The following KCTD18 variants were observed in gnomAD, a reference collection of about 807,000 sequenced individuals.
The protein encoded by KCTD18 is BTB/POZ domain-containing protein KCTD18.
KCTD18 carries 22 observed loss-of-function variants against 30.4 expected under a neutral mutation model. The ratio of observed to expected loss-of-function variants is 0.72; its 90% CI spans 0.52 to 1.03. The LOEUF (loss-of-function observed/expected upper bound fraction) is 1.03. KCTD18 is among the 50% of genes least tolerant of loss of function. The pLI, the probability that KCTD18 is intolerant of heterozygous loss-of-function variation, is 0.00. For missense variants in KCTD18, 529 were observed against 547.6 expected, an observed-to-expected ratio of 0.97 and a Z score of 0.34; for synonymous variants, 186 against 209.0, an observed-to-expected ratio of 0.89 and a Z score of 0.95.
At chr2:200,491,848 T>C (rs1459875891) in intron 6 of KCTD18, among the ~76,000 whole-genome samples, 1 of 152,212 alleles carries the variant, frequency 6.6e-6, no homozygotes, top group Non-Finnish European at 1.5e-5. Flanking sequence ...GATTACAACT[T>C]ATTCAACTCC....
chr2:200,498,556 G>A (rs1449663219), intron 4 of KCTD18, among the ~76,000 whole-genome samples: 2 of 152,138 alleles, frequency 1.3e-5, no homozygotes, highest in African/African-American at 4.8e-5. Flanking sequence ...ATGCTTCTAT[G>A]GTCTAGGAAG....
intron 2 of KCTD18, among the ~76,000 whole-genome samples, chr2:200,506,382 C>T (rs11678210): frequency 0.16 from 24,897 of 152,090 alleles, 2,297 homozygotes; most frequent in Non-Finnish European, 0.21. Flanking sequence ...TTTTCTCAGC[C>T]GTGCACATTG....
chr2:200,504,671 C>T, intron 3 of KCTD18, 77 bp downstream of exon 3: 1 of 997,314 alleles, frequency 1.0e-6, no homozygotes, highest in Non-Finnish European at 1.5e-6. Flanking sequence ...TGTGAAAACA[C>T]AGGCTATGCA....
chr2:200,504,655 G>T, intron 3 of KCTD18, 93 bp downstream of exon 3: 2 of 895,814 alleles, frequency 2.2e-6, no homozygotes, highest in Non-Finnish European at 3.4e-6. Flanking sequence ...TATCTTGTTT[G>T]GTTAATGTGA....
Position 200,489,836 on chromosome 2 carries a change from G to A in KCTD18, c.*264C>T, listed in dbSNP as rs2087877222. 3 of 440,882 alleles carry A rather than the reference G, an allele frequency of 6.8e-6. No homozygotes were observed. The highest frequency in any genetic ancestry group is 7.1e-5 in the East Asian group (2 of 28,232). The allele number at this position is 440,882 out of a possible 1,614,324, so 27.3% of individuals were successfully genotyped here. ...TTGTACTGTCTTGTTGCCTTAATACGAATTAATCATTAAAAAATAAATTGA... is the reference window on the plus strand; with the variant it reads ...TTGTACTGTCTTGTTGCCTTAATACAAATTAATCATTAAAAAATAAATTGA... On this transcript the variant is annotated 3_prime_UTR_variant, in exon 7 of 7. Coordinates refer to ENST00000359878, the MANE Select transcript of KCTD18 (RefSeq NM_152387.4).
intron 5 of KCTD18, chr2:200,497,518 G>A: frequency 2.3e-6 from 1 of 426,908 alleles, no homozygotes; most frequent in African/African-American, 2.0e-5. Context: ...AATTAAATAA[G>A]CCTAGCTAAC....
chr2:200,499,057 C>CA lies in KCTD18; in HGVS notation c.399dup (p.Gly134TrpfsTer6). 1 of 1,612,818 alleles carries CA rather than the reference C, an allele frequency of 6.2e-7. No individual in the cohort carries two copies. On this transcript the variant is annotated frameshift_variant, in exon 4 of 7. Coordinates refer to ENST00000359878, the MANE Select transcript of KCTD18 (RefSeq NM_152387.4). LOFTEE classifies it high-confidence loss of function. ...ACTGTTGGTTTATTGCAGACTAAGCCATATGAATCACAGAAGTCTGTTAAA... is the reference window on the plus strand; with the variant it reads ...ACTGTTGGTTTATTGCAGACTAAGCCAATATGAATCACAGAAGTCTGTTAAA...
chr2:200,493,707 G>A (rs1316716908), intron 5 of KCTD18, among the ~76,000 whole-genome samples: 1 of 152,220 alleles, frequency 6.6e-6, no homozygotes, highest in Non-Finnish European at 1.5e-5. Flanking sequence ...CCACTGTGAT[G>A]ATTAAATGAG....
At chr2:200,504,285 C>T (rs755352857) in intron 3 of KCTD18, among the ~76,000 whole-genome samples, 41 of 152,044 alleles carry the variant, frequency 2.7e-4, no homozygotes, top group Non-Finnish European at 5.4e-4. Flanking sequence ...GGTGAAACCC[C>T]CGTCTCTACT....
chr2:200,497,748 T>C lies in KCTD18; in HGVS notation c.661+5A>G, dbSNP rs760670177. 15 of 1,591,024 alleles carry C rather than the reference T, an allele frequency of 9.4e-6. No individual in the cohort carries two copies. Among genetic ancestry groups the C allele is most frequent in the African/African-American group, 1.3e-5 (1 of 74,440 alleles). On this transcript the variant is annotated splice_donor_5th_base_variant and intron_variant, in intron 5 of 6. Coordinates refer to ENST00000359878, the MANE Select transcript of KCTD18 (RefSeq NM_152387.4). Reference sequence around the variant, plus strand: ...CTTCCATGAAATAAAAGAATTGCACTGTACCTTTTCCTTCCCAAGCATCAA... The same window carrying C: ...CTTCCATGAAATAAAAGAATTGCACCGTACCTTTTCCTTCCCAAGCATCAA...
Position 200,504,763 on chromosome 2 carries a change from A to G in KCTD18, c.357T>C (p.Asn119=). The stretch of plus-strand genomic sequence containing the variant: ...ATGCCAAGACCTTTTTAAGTTCTAT[A>G]TTTGACCTTAAAGAATATGTCTCCA... The part of the protein sequence containing the change: ...NEMETYSLRS[N]IELKKALTDF... Residue 119 remains asparagine (N), a synonymous_variant, in exon 3 of 7, where the codon AAT becomes AAC. Transcript: ENST00000359878. 2 of 1,613,388 alleles carry G rather than the reference A, an allele frequency of 1.2e-6. No homozygotes were observed. The highest frequency in any genetic ancestry group is 1.7e-6 in the Non-Finnish European group (2 of 1,179,468).
At chr2:200,490,654 GT>G in intron 6 of KCTD18, 38 bp from the exon 7 acceptor site, 1 of 1,528,686 alleles carries the variant, frequency 6.5e-7, no homozygotes, top group African/African-American at 1.4e-5. Flanking sequence ...CACATGTATA[GT>G]TTTAGTAACT....
intron 3 of KCTD18, among the ~76,000 whole-genome samples, chr2:200,500,065 T>G (rs1055717480): frequency 1.3e-5 from 2 of 151,820 alleles, no homozygotes; most frequent in African/African-American, 4.8e-5. Context: ...AAAAGGCCTT[T>G]GACAAAATTC....
intron 3 of KCTD18, among the ~76,000 whole-genome samples, chr2:200,503,841 TAAGAAAA>T (rs1203073169): frequency 1.3e-5 from 2 of 152,204 alleles, no homozygotes; most frequent in Non-Finnish European, 2.9e-5. Context: ...AACAATTTTC[TAAGAAAA>T]ATATTTTCCT....
chr2:200,507,966 G>A (rs1023604616), intron 1 of KCTD18, among the ~76,000 whole-genome samples: 5 of 151,984 alleles, frequency 3.3e-5, no homozygotes, highest in Non-Finnish European at 7.4e-5. Context: ...GAGCCACCAC[G>A]CCCAGCCTGA....
At position 200,493,255 on chromosome 2, in the gene KCTD18, C is replaced by T; in HGVS notation, c.681G>A (p.Val227=). ...TCCAACACTCTATCAGCTCATGAGGCACCCGCCAGTAGCTAACACCTGGAA... is the reference window on the plus strand; with the variant it reads ...TCCAACACTCTATCAGCTCATGAGGTACCCGCCAGTAGCTAACACCTGGAA... ...WEGKGVSYWR[V]PHELIECWTL... is the part of the protein sequence containing the mutation. The change falls in exon 6 of 7, where the codon GTG becomes GTA. Residue 227 remains valine, a synonymous_variant. Transcript: ENST00000359878. The T allele has an allele frequency of 6.2e-7, 1 of 1,604,736 alleles. No homozygotes were observed. Among genetic ancestry groups the T allele is most frequent in the Non-Finnish European group, 8.5e-7 (1 of 1,172,964 alleles).
chr2:200,499,380 C>A (rs1197761669), intron 3 of KCTD18, among the ~76,000 whole-genome samples: 6 of 152,072 alleles, frequency 3.9e-5, no homozygotes, highest in Non-Finnish European at 5.9e-5. Flanking sequence ...TTTTAGTCTG[C>A]CAACATCACT....
chr2:200,497,996 A>G (rs1229516059), intron 4 of KCTD18, 149 bp from the exon 5 acceptor site: 7 of 621,880 alleles, frequency 1.1e-5, no homozygotes, highest in Non-Finnish European at 2.0e-5. Flanking sequence ...CCTTAAGTAT[A>G]CATATGCTTA....
rs1181214557 is a variant in KCTD18 at position 200,504,835 on chromosome 2, A to G, written c.285T>C (p.Phe95=). The change falls in exon 3 of 7, where the codon TTT becomes TTC. Residue 95 remains phenylalanine, a synonymous_variant. Transcript: ENST00000359878. ...ACAGGCTGTATGGATAAGGGATGCC[A>G]AAGTAATCAGCCTCTTCCTGTAGGG... ...RIALQEEADY[F]GIPYPYSLSD... is the part of the protein sequence containing the mutation. 1 of 1,614,218 alleles carries G rather than the reference A, an allele frequency of 6.2e-7. No homozygotes were observed. Among genetic ancestry groups the G allele is most frequent in the Non-Finnish European group, 8.5e-7 (1 of 1,180,030 alleles).
Sources: allele counts gnomAD v4.1 joint callset (sites outside exome capture counted in the v4.1 genomes callset), GRCh38; gene constraint gnomAD v4.1.1; transcripts MANE v1.5; gene names NCBI Gene and HGNC (gene_info 2026-07-23, HGNC 2026-07-21).